MGLL: variants seen among roughly 807,000 people sequenced by gnomAD.
MGLL encodes monoglyceride lipase, also known as lysophospholipase homolog.
MGLL carries 7 observed loss-of-function variants against 29.1 expected under a neutral mutation model. The observed-to-expected ratio is 0.24, with a 90% CI of 0.14 to 0.45. MGLL has a LOEUF of 0.45. MGLL is among the 20% of genes least tolerant of loss of function. The pLI, the probability that MGLL is intolerant of heterozygous loss-of-function variation, is 0.99. For synonymous variants in MGLL, 148 were observed against 168.3 expected, an observed-to-expected ratio of 0.88 and a Z score of 0.93; for missense variants, 356 against 413.6, an observed-to-expected ratio of 0.86 and a Z score of 1.21.
chr3:127,703,887 C>T (rs1439476958), intron 6 of MGLL, among the ~76,000 whole-genome samples: 1 of 152,148 alleles, frequency 6.6e-6, no homozygotes, highest in African/African-American at 2.4e-5. Context: ...ACAAACAACC[C>T]AATTAGGAAA....
chr3:127,809,470 T>C (rs1477735823), intron 2 of MGLL, among the ~76,000 whole-genome samples: 1 of 151,760 alleles, frequency 6.6e-6, no homozygotes, highest in Admixed American at 6.6e-5. Context: ...TGCAAAAAAT[T>C]TAAAAATTGT....
At chr3:127,801,138 GT>G (rs1159700125) in intron 2 of MGLL, among the ~76,000 whole-genome samples, 1 of 149,104 alleles carries the variant, frequency 6.7e-6, no homozygotes, top group East Asian at 2.0e-4. Flanking sequence ...CCCATCTCTA[GT>G]AAAAATACAA....
chr3:127,792,374 C>G (rs2077314332), intron 2 of MGLL, among the ~76,000 whole-genome samples: 1 of 152,200 alleles, frequency 6.6e-6, no homozygotes, highest in Admixed American at 6.5e-5. Flanking sequence ...AAGTCACTCA[C>G]AGCCTCAAGT....
At chr3:127,722,853 G>A (rs1296261283) in intron 3 of MGLL, among the ~76,000 whole-genome samples, 1 of 152,194 alleles carries the variant, frequency 6.6e-6, no homozygotes, top group Non-Finnish European at 1.5e-5. Context: ...GGTTTCCAAG[G>A]AAGGGAAAAA....
At position 127,781,830 on chromosome 3, in the gene MGLL, A is replaced by G. The variant is rs1216201014; in HGVS notation, c.221T>C (p.Met74Thr). 5.6e-6 allele frequency: 9 copies of G among 1,614,082 alleles called. No individual in the cohort carries two copies. Among genetic ancestry groups the G allele is most frequent in the Non-Finnish European group, 7.6e-6 (9 of 1,180,006 alleles). Residue 74 changes from methionine to threonine, a missense_variant, in exon 3 of 8, where the codon ATG becomes ACG. Transcript: ENST00000265052. ...CACCAGCAGGTCCAGCCCCATCAGC[A>G]TCCGAGCCAGCTCTTCATAGCGGCC... ...HSGRYEELAR[M>T]LMGLDLLVFA...
chr3:127,791,924 C>T (rs548342171), intron 2 of MGLL, among the ~76,000 whole-genome samples: 5 of 152,092 alleles, frequency 3.3e-5, no homozygotes, highest in East Asian at 3.9e-4. Flanking sequence ...ACAAAACAGC[C>T]GGGCATGGTG....
chr3:127,771,397 G>A (rs2076945933), intron 3 of MGLL, among the ~76,000 whole-genome samples: 1 of 152,170 alleles, frequency 6.6e-6, no homozygotes. Flanking sequence ...CGCCCAGGTT[G>A]GAGTGCAGTG....
intron 3 of MGLL, among the ~76,000 whole-genome samples, chr3:127,732,309 G>C (rs1195979099): frequency 6.6e-6 from 1 of 152,178 alleles, no homozygotes; most frequent in Non-Finnish European, 1.5e-5. Flanking sequence ...AGCTTGTGAG[G>C]TAGGGATTCT....
At chr3:127,735,992 C>T in intron 3 of MGLL, 1 of 1,423,068 alleles carries the variant, frequency 7.0e-7, no homozygotes, top group Non-Finnish European at 9.1e-7. Context: ...TTCCTTCACG[C>T]TAAAAGCTCC....
intron 3 of MGLL, among the ~76,000 whole-genome samples, chr3:127,748,064 TAGCAAGAGACTCGG>T (rs1449820579): frequency 6.6e-6 from 1 of 152,164 alleles, no homozygotes; most frequent in Non-Finnish European, 1.5e-5. Flanking sequence ...GAAAACTCAT[TAGCAAGAGACTCGG>T]AGCATTCTAG....
At chr3:127,790,949 A>G (rs1319738354) in intron 2 of MGLL, among the ~76,000 whole-genome samples, 1 of 152,132 alleles carries the variant, frequency 6.6e-6, no homozygotes, top group Non-Finnish European at 1.5e-5. Context: ...CCCAGGGGGT[A>G]GCCGGCCCCA....
At chr3:127,751,259 C>T (rs1394151261) in intron 3 of MGLL, among the ~76,000 whole-genome samples, 1 of 152,120 alleles carries the variant, frequency 6.6e-6, no homozygotes, top group Non-Finnish European at 1.5e-5. Context: ...TTGCACCTGT[C>T]CATGCCGCTC....
chr3:127,767,696 C>T (rs1208592715), intron 3 of MGLL, among the ~76,000 whole-genome samples: 1 of 152,244 alleles, frequency 6.6e-6, no homozygotes, highest in Non-Finnish European at 1.5e-5. Flanking sequence ...AGAAACGGAA[C>T]AGCAATTTGT....
intron 2 of MGLL, among the ~76,000 whole-genome samples, chr3:127,782,331 C>T (rs2077142069): frequency 6.6e-6 from 1 of 152,216 alleles, no homozygotes; most frequent in Non-Finnish European, 1.5e-5. Context: ...GGGCTCCAGG[C>T]ATTGTCAAAT....
chr3:127,792,329 T>C (rs2077313716), intron 2 of MGLL, among the ~76,000 whole-genome samples: 1 of 152,216 alleles, frequency 6.6e-6, no homozygotes. Flanking sequence ...GGCAAAGGGA[T>C]TGCTGTGTGA....
intron 2 of MGLL, 112 bp downstream of exon 2, chr3:127,821,582 A>C: frequency 1.7e-6 from 2 of 1,156,640 alleles, no homozygotes; most frequent in Non-Finnish European, 2.6e-6. Flanking sequence ...CGGCAGGGGA[A>C]GTAGGTCATA....
intron 7 of MGLL, among the ~76,000 whole-genome samples, chr3:127,692,966 C>G (rs551100281): frequency 1.5e-4 from 23 of 152,186 alleles, no homozygotes; most frequent in Non-Finnish European, 3.2e-4. Flanking sequence ...CCCTGGTCAC[C>G]TTGTCCAGTC....
At chr3:127,707,496 G>A (rs986437022) in intron 6 of MGLL, among the ~76,000 whole-genome samples, 4 of 152,236 alleles carry the variant, frequency 2.6e-5, no homozygotes, top group African/African-American at 7.2e-5. Context: ...TCTGATCAGG[G>A]ACCCTAAATA....
At chr3:127,710,486 A>G (rs770754847) in intron 6 of MGLL, 90 bp downstream of exon 6, 3 of 1,147,850 alleles carry the variant, frequency 2.6e-6, no homozygotes, top group Non-Finnish European at 3.8e-6. Flanking sequence ...GTGAAAGGGC[A>G]GCAGAGAATG....
Sources: allele counts gnomAD v4.1 joint callset (sites outside exome capture counted in the v4.1 genomes callset), GRCh38; gene constraint gnomAD v4.1.1; transcripts MANE v1.5; gene names NCBI Gene and HGNC (gene_info 2026-07-23, HGNC 2026-07-21).